BMX: variants seen among roughly 807,000 people sequenced by gnomAD.
The protein encoded by BMX is cytoplasmic tyrosine-protein kinase BMX.
A neutral mutation model predicts 59.2 loss-of-function variants in BMX; 31 were observed. That is an observed-to-expected ratio of 0.52 (90% CI 0.39 to 0.71). BMX has a LOEUF of 0.71. BMX is among the 30% of genes least tolerant of loss of function. The pLI is 0.00. For synonymous variants in BMX, 185 were observed against 181.0 expected, an observed-to-expected ratio of 1.02 and a Z score of -0.18; for missense variants, 474 against 491.7, an observed-to-expected ratio of 0.96 and a Z score of 0.34.
At chrX:15,540,572 A>T (rs1039578974) in intron 14 of BMX, among the ~76,000 whole-genome samples, 7 of 103,201 alleles carry the variant, frequency 6.8e-5, no homozygotes, top group African/African-American at 2.7e-4. Flanking sequence ...AAAGTATAAT[A>T]AAAAAAAAAA....
intron 1 of BMX, chrX:15,507,401 G>A (rs750898878): frequency 6.3e-5 from 47 of 746,291 alleles, no homozygotes; most frequent in Admixed American, 1.7e-4. Context: ...CGGCTCTAGC[G>A]AGTCTAAGGT....
chrX:15,555,914 G>A (rs1297121274), intron 18 of BMX, among the ~76,000 whole-genome samples, 159 bp from the exon 19 acceptor site: 4 of 112,281 alleles, frequency 3.6e-5, no homozygotes, highest in South Asian at 3.7e-4. Context: ...TATAGTGAGC[G>A]TCCTTGCCTT....
Position 15,522,367 on chromosome X carries a change from C to G in BMX, c.532C>G (p.Pro178Ala). 1.7e-6 allele frequency: 2 copies of G among 1,211,638 alleles called. No individual in the cohort carries two copies. The highest frequency in any genetic ancestry group is 2.2e-6 in the Non-Finnish European group (2 of 895,368). The change falls in exon 7 of 19, where the codon CCT (proline) becomes GCT (alanine). Residue 178 changes from proline (P) to alanine (A), a missense_variant. By Grantham distance (27) the Pro-to-Ala change is conservative. Coordinates refer to ENST00000348343, the MANE Select transcript of BMX (RefSeq NM_203281.3). Reference sequence around the variant, plus strand: ...AAAGCTGAAGATACCTCGGGCAGTTCCTGTTCTCAAAATGGATGCACCATC... The same window carrying G: ...AAAGCTGAAGATACCTCGGGCAGTTGCTGTTCTCAAAATGGATGCACCATC... The part of the protein sequence containing the change: ...DRVLKIPRAV[P>A]VLKMDAPSSS...
chrX:15,508,045 C>A (rs1003981590), intron 1 of BMX, among the ~76,000 whole-genome samples: 4 of 111,756 alleles, frequency 3.6e-5, no homozygotes, highest in African/African-American at 1.3e-4. Context: ...AAGTAAGGAG[C>A]ATTTTGATAA....
intron 6 of BMX, among the ~76,000 whole-genome samples, chrX:15,521,931 C>G (rs1924476124): frequency 8.9e-6 from 1 of 111,785 alleles, no homozygotes; most frequent in Non-Finnish European, 1.9e-5. Context: ...TTATTTTATC[C>G]TCTTGATGGG....
intron 5 of BMX, among the ~76,000 whole-genome samples, chrX:15,516,861 G>A (rs1240344546): frequency 9.0e-6 from 1 of 111,013 alleles, no homozygotes; most frequent in African/African-American, 3.3e-5. Context: ...TACTCCCAGG[G>A]AAACAAGAGG....
intron 9 of BMX, 56 bp downstream of exon 9, chrX:15,526,151 C>G (rs1034564719): frequency 3.8e-6 from 4 of 1,064,116 alleles, no homozygotes; most frequent in Non-Finnish European, 5.2e-6. Flanking sequence ...TACTTCTACT[C>G]TCTTCCTCAA....
intron 9 of BMX, 63 bp from the exon 10 acceptor site, chrX:15,529,910 G>A (rs1222084850): frequency 9.8e-7 from 1 of 1,016,560 alleles, no homozygotes; most frequent in Non-Finnish European, 1.4e-6. Context: ...TTAGAAAGTT[G>A]AGTGTCAAGC....
chrX:15,529,990 T>G lies in BMX; in HGVS notation c.902T>G (p.Ile301Ser). The G allele has an allele frequency of 8.3e-7, 1 of 1,209,612 alleles. No homozygotes were observed. The highest frequency in any genetic ancestry group is 1.1e-6 in the Non-Finnish European group (1 of 893,867). The stretch of plus-strand genomic sequence containing the variant: ...TTTTGCAGCTGGTTTGCTGGTAACA[T>G]CTCCAGATCACAATCTGAACAGTTA... ...LDDYDWFAGN[I>S]SRSQSEQLLR... The change falls in exon 10 of 19, where the codon ATC (isoleucine) becomes AGC (serine). Residue 301 changes from isoleucine (I) to serine (S), a missense_variant. Physicochemically the swap from Ile to Ser is moderately radical, Grantham distance 142. Transcript: ENST00000348343.
At chrX:15,519,767 C>A (rs1924355172) in intron 6 of BMX, among the ~76,000 whole-genome samples, 1 of 111,530 alleles carries the variant, frequency 9.0e-6, no homozygotes, top group Non-Finnish European at 1.9e-5. Flanking sequence ...GGAAGGGGAG[C>A]TAGTGTGTGC....
intron 6 of BMX, among the ~76,000 whole-genome samples, chrX:15,518,449 A>G (rs1242730647): frequency 9.0e-6 from 1 of 111,585 alleles, no homozygotes; most frequent in Non-Finnish European, 1.9e-5. Flanking sequence ...TTATCCCTTC[A>G]AAGCTATTCA....
At chrX:15,546,719 C>T in intron 16 of BMX, 84 bp from the exon 17 acceptor site, 1 of 752,269 alleles carries the variant, frequency 1.3e-6, no homozygotes, top group Non-Finnish European at 2.0e-6. Flanking sequence ...AGGCAATCGA[C>T]TGAGACTCTG....
intron 6 of BMX, among the ~76,000 whole-genome samples, chrX:15,519,043 G>A (rs1924310102): frequency 9.0e-6 from 1 of 111,704 alleles, no homozygotes; most frequent in African/African-American, 3.3e-5. Flanking sequence ...GCTCTCTCTC[G>A]AAGTACAGGC....
At position 15,537,042 on chromosome X, in the gene BMX, G is replaced by A. The variant is rs1925394117; in HGVS notation, c.1223-92G>A. The A allele has an allele frequency of 4.3e-6, 4 of 932,298 alleles. No homozygotes were observed. The African/African-American group carries it at 8.0e-5, about 19-fold the overall frequency. The allele number at this position is 932,298 out of a possible 1,213,427, so 76.8% of individuals were successfully genotyped here. On this transcript the variant is annotated intron_variant, in intron 13 of 18. Transcript: ENST00000348343. The stretch of plus-strand genomic sequence containing the variant: ...AAAGTCTTGTTTATATTGTCACTGT[G>A]AAACTCCCATTGGAGAAGAAATCAC...
chrX:15,532,410 A>G (rs1013369043), intron 11 of BMX, among the ~76,000 whole-genome samples: 2 of 111,742 alleles, frequency 1.8e-5, no homozygotes, highest in East Asian at 5.6e-4. Flanking sequence ...AGGTTCAAAA[A>G]GAGCTTATAA....
intron 4 of BMX, among the ~76,000 whole-genome samples, chrX:15,512,094 C>T (rs1923981957): frequency 8.9e-6 from 1 of 111,903 alleles, no homozygotes; most frequent in African/African-American, 3.2e-5. Flanking sequence ...ACTCAATTAC[C>T]TAAACCTGAT....
At chrX:15,540,976 T>C (rs184963378) in intron 14 of BMX, among the ~76,000 whole-genome samples, 251 of 107,994 alleles carry the variant, frequency 2.3e-3, no homozygotes, top group African/African-American at 8.0e-3. Flanking sequence ...GAAGTAAAGG[T>C]GATATGGCAG....
In BMX at chrX:15,509,394, C is replaced by T. The variant is rs1316750430; in HGVS notation, c.204C>T (p.Leu68=). Residue 68 remains leucine, a synonymous_variant, in exon 3 of 19, where the codon CTC becomes CTT. Transcript: ENST00000348343. ...KKIRCVEKVN[L]EEQTPVERQY... ...TCAGATGTGTGGAGAAAGTAAATCT[C>T]GAGGAGCAGACGCCTGTAGAGAGAC... is the stretch of plus-strand genomic sequence containing the variant. The T allele has an allele frequency of 3.3e-6, 4 of 1,204,569 alleles. No homozygotes were observed. Among genetic ancestry groups the T allele is most frequent in the South Asian group, 1.8e-5 (1 of 56,275 alleles).
intron 1 of BMX, chrX:15,507,523 C>A: frequency 4.1e-6 from 1 of 242,970 alleles, no homozygotes; most frequent in Non-Finnish European, 5.8e-6. Context: ...GTTTGTTTCT[C>A]TGGCCTACTG....
Sources: gnomAD v4.1 joint callset for allele counts (sites outside exome capture counted in the v4.1 genomes callset) on GRCh38, gnomAD v4.1.1 for gene constraint, MANE v1.5 for transcripts, NCBI Gene and HGNC (gene_info 2026-07-23, HGNC 2026-07-21) for gene names.